DOCK9: variants seen among roughly 807,000 people sequenced by gnomAD.
The protein encoded by DOCK9 is dedicator of cytokinesis protein 9.
A neutral mutation model predicts 263.3 loss-of-function variants in DOCK9; 89 were observed. The ratio of observed to expected loss-of-function variants is 0.34; its 90% CI spans 0.28 to 0.40. The LOEUF is 0.40. Among genes scored for constraint, DOCK9 ranks in the 10% least tolerant of loss-of-function variants. The pLI is 1.00. For synonymous variants in DOCK9, 976 were observed against 973.1 expected, an observed-to-expected ratio of 1.00 and a Z score of -0.06; for missense variants, 2,140 against 2,603.4, an observed-to-expected ratio of 0.82 and a Z score of 3.87.
intron 35 of DOCK9, 30 bp downstream of exon 35, chr13:98,853,378 C>A: frequency 6.8e-7 from 1 of 1,467,250 alleles, no homozygotes; most frequent in Non-Finnish European, 9.4e-7. Context: ...CTGAAACGAG[C>A]AAAACAGAAA....
At chr13:98,932,654 A>G (rs571329615) in intron 2 of DOCK9, among the ~76,000 whole-genome samples, 1 of 152,188 alleles carries the variant, frequency 6.6e-6, no homozygotes, top group Admixed American at 6.5e-5. Flanking sequence ...TTTGTGTACA[A>G]TTTATTTCCT....
intron 1 of DOCK9, among the ~76,000 whole-genome samples, chr13:99,001,470 T>C (rs1006089460): frequency 6.6e-6 from 1 of 152,166 alleles, no homozygotes; most frequent in African/African-American, 2.4e-5. Context: ...TACAAGCCCT[T>C]TGTGGCTTTT....
chr13:98,957,316 A>C (rs2058167107), intron 1 of DOCK9, among the ~76,000 whole-genome samples: 1 of 152,232 alleles, frequency 6.6e-6, no homozygotes, highest in African/African-American at 2.4e-5. Context: ...CTGAAGTAGC[A>C]GTCAACTTGC....
intron 1 of DOCK9, among the ~76,000 whole-genome samples, chr13:98,957,965 C>A (rs1367103238): frequency 6.6e-6 from 1 of 152,196 alleles, no homozygotes; most frequent in East Asian, 1.9e-4. Flanking sequence ...CTGGGCAGGG[C>A]TGAATCCTCA....
At chr13:98,932,404 CAACAAACA>C (rs147642560) in intron 2 of DOCK9, among the ~76,000 whole-genome samples, 10,363 of 150,778 alleles carry the variant, frequency 0.069, 582 homozygotes, top group African/African-American at 0.16. Flanking sequence ...CAAAAAACAA[CAACAAACA>C]AACAAACAAA....
chr13:98,830,616 C>T (rs2092721853), intron 41 of DOCK9, among the ~76,000 whole-genome samples: 1 of 152,212 alleles, frequency 6.6e-6, no homozygotes, highest in Non-Finnish European at 1.5e-5. Flanking sequence ...GCTCACTGAT[C>T]TTCAACCATG....
upstream of DOCK9, among the ~76,000 whole-genome samples, chr13:98,978,844 T>C (rs1459750894): frequency 1.3e-5 from 2 of 152,118 alleles, no homozygotes; most frequent in African/African-American, 4.8e-5. Context: ...AATAGCTGGA[T>C]CACCAACCTA....
intron 2 of DOCK9, among the ~76,000 whole-genome samples, chr13:98,943,516 A>G (rs2056263658): frequency 6.6e-6 from 1 of 151,610 alleles, no homozygotes; most frequent in Admixed American, 6.6e-5. Context: ...TCCTTTAAGG[A>G]CTCTTCGTTT....
chr13:98,830,261 G>A (rs1163830179), intron 41 of DOCK9, among the ~76,000 whole-genome samples: 1 of 152,186 alleles, frequency 6.6e-6, no homozygotes, highest in Non-Finnish European at 1.5e-5. Flanking sequence ...GCTAAAGCAT[G>A]GAGGCCATCT....
chr13:98,870,659 G>A (rs932595788), intron 27 of DOCK9, among the ~76,000 whole-genome samples: 3 of 152,112 alleles, frequency 2.0e-5, no homozygotes, highest in African/African-American at 7.2e-5. Context: ...ATAACTAAAA[G>A]TAGAACAGCT....
intron 24 of DOCK9, 78 bp downstream of exon 24, chr13:98,881,814 G>C: frequency 7.5e-7 from 1 of 1,340,162 alleles, no homozygotes; most frequent in South Asian, 1.3e-5. Flanking sequence ...GCACACAGTA[G>C]CATCCCAGCT....
chr13:98,904,920 A>G (rs531319972), intron 9 of DOCK9, among the ~76,000 whole-genome samples: 1 of 152,352 alleles, frequency 6.6e-6, no homozygotes, highest in South Asian at 2.1e-4. Context: ...GCCCTTCTGA[A>G]GCTCACAACC....
At chr13:98,841,981 C>A (rs541103789) in intron 38 of DOCK9, among the ~76,000 whole-genome samples, 3 of 152,184 alleles carry the variant, frequency 2.0e-5, no homozygotes, top group East Asian at 3.9e-4. Context: ...ATGTTTAAAG[C>A]ATCCAAGCAC....
At chr13:99,038,840 A>G (rs1208257602) in intron 1 of DOCK9, among the ~76,000 whole-genome samples, 1 of 152,222 alleles carries the variant, frequency 6.6e-6, no homozygotes, top group Non-Finnish European at 1.5e-5. Flanking sequence ...TGGATAAACC[A>G]AAGTCCTCCT....
rs2090161174 is a variant in DOCK9, at chr13:98,801,951, G to T, written c.5726-1473C>A. Among the ~76,000 whole-genome samples, 4 of 152,326 alleles carry T rather than the reference G, an allele frequency of 2.6e-5. No homozygotes were observed. In the South Asian group the frequency reaches 8.3e-4, roughly 32 times the overall value. ...AATGTTTTATCAGTGAAAGGTGAAG[G>T]GTTCCCGACTTGGTTTCACAGATTT... On this transcript the variant is annotated intron_variant, in intron 49 of 52. Coordinates refer to ENST00000682017, the MANE Select transcript of DOCK9 (RefSeq NM_001366683.2).
chr13:99,086,113 G>C, intron 1 of DOCK9: 1 of 1,349,376 alleles, frequency 7.4e-7, no homozygotes. Flanking sequence ...GGACCCAGCA[G>C]GGTCGGCCGC....
In DOCK9 at chr13:98,846,076, A is replaced by T. The variant is rs143030687; in HGVS notation, c.4062-16T>A. On this transcript the variant is annotated splice_polypyrimidine_tract_variant and intron_variant, in intron 37 of 52. Transcript: ENST00000682017. ...CTCCTGGTTCCTGCAACATGAGTGA[A>T]ATGGGATAGAAGCAAAAGTTAGACG... 2 of 1,558,436 alleles carry T rather than the reference A, an allele frequency of 1.3e-6. No homozygotes were observed. The highest frequency in any genetic ancestry group is 1.7e-6 in the Non-Finnish European group (2 of 1,150,214).
At chr13:99,011,214 T>C (rs1477187115) in intron 1 of DOCK9, among the ~76,000 whole-genome samples, 1 of 152,184 alleles carries the variant, frequency 6.6e-6, no homozygotes, top group African/African-American at 2.4e-5. Flanking sequence ...TTAATTTATA[T>C]TGTAACTTAT....
intron 1 of DOCK9, among the ~76,000 whole-genome samples, chr13:99,066,532 A>G (rs1879805577): frequency 6.6e-6 from 1 of 152,218 alleles, no homozygotes; most frequent in African/African-American, 2.4e-5. Flanking sequence ...TAAATTTAAT[A>G]TGTTAATATA....
Sources: gnomAD v4.1 joint callset for allele counts (sites outside exome capture counted in the v4.1 genomes callset) on GRCh38, gnomAD v4.1.1 for gene constraint, MANE v1.5 for transcripts, NCBI Gene and HGNC (gene_info 2026-07-23, HGNC 2026-07-21) for gene names.